NSMCE2: variants seen among roughly 807,000 people sequenced by gnomAD.
NSMCE2 encodes the protein NSE2 SUMO ligase component of SMC5/6 complex.
In NSMCE2, 24 loss-of-function variants were observed where a neutral mutation model predicts 23.8. That is an observed-to-expected ratio of 1.01 (90% CI 0.73 to 1.42). NSMCE2 has a LOEUF of 1.42. Ranked by LOEUF, NSMCE2 falls within the 40% of genes most tolerant of loss-of-function variation. The pLI is 0.00. For synonymous variants in NSMCE2, 92 were observed against 94.1 expected, an observed-to-expected ratio of 0.98 and a Z score of 0.13; for missense variants, 284 against 296.5, an observed-to-expected ratio of 0.96 and a Z score of 0.31.
At chr8:125,302,252 A>G (rs1828595857) in intron 5 of NSMCE2, among the ~76,000 whole-genome samples, 1 of 152,222 alleles carries the variant, frequency 6.6e-6, no homozygotes. Context: ...CCACCACGCC[A>G]GGTCCCAATT....
At chr8:125,164,854 C>T (rs1386628838) in intron 4 of NSMCE2, among the ~76,000 whole-genome samples, 3 of 152,140 alleles carry the variant, frequency 2.0e-5, no homozygotes, top group Admixed American at 1.3e-4. Flanking sequence ...TAACATGTCT[C>T]CAGTGCTTGT....
chr8:125,254,666 CA>C (rs1420117454), intron 5 of NSMCE2, among the ~76,000 whole-genome samples: 3 of 151,748 alleles, frequency 2.0e-5, no homozygotes, highest in Non-Finnish European at 2.9e-5. Context: ...CCATTTCTAA[CA>C]TGCTATAAGA....
intron 4 of NSMCE2, among the ~76,000 whole-genome samples, chr8:125,172,382 A>G (rs1822265133): frequency 6.6e-6 from 1 of 152,238 alleles, no homozygotes. Context: ...AAACAGTTCT[A>G]GACAGGTAAG....
chr8:125,250,510 C>T (rs1052964314), intron 5 of NSMCE2, among the ~76,000 whole-genome samples: 1 of 152,156 alleles, frequency 6.6e-6, no homozygotes, highest in Non-Finnish European at 1.5e-5. Context: ...CATTTATTAA[C>T]TAAAAACAAC....
chr8:125,346,350 A>G (rs541423127), intron 5 of NSMCE2, among the ~76,000 whole-genome samples: 1 of 152,350 alleles, frequency 6.6e-6, no homozygotes, highest in East Asian at 1.9e-4. Context: ...AAGATGGAGA[A>G]TGGACAGGCT....
chr8:125,123,134 T>A (rs1009550485), intron 3 of NSMCE2, among the ~76,000 whole-genome samples: 8 of 152,276 alleles, frequency 5.3e-5, no homozygotes, highest in Middle Eastern at 3.4e-3. Context: ...ATATATATAT[T>A]TTTCTGGCCA....
At chr8:125,139,576 C>T (rs1458455098) in intron 3 of NSMCE2, among the ~76,000 whole-genome samples, 1 of 152,076 alleles carries the variant, frequency 6.6e-6, no homozygotes, top group Non-Finnish European at 1.5e-5. Context: ...GGTAAGAGAA[C>T]CTGTGCAGGG....
At chr8:125,166,707 A>G (rs1821896074) in intron 4 of NSMCE2, among the ~76,000 whole-genome samples, 1 of 152,212 alleles carries the variant, frequency 6.6e-6, no homozygotes, top group African/African-American at 2.4e-5. Context: ...GACCCAGGGA[A>G]GACACTTCTG....
intron 5 of NSMCE2, among the ~76,000 whole-genome samples, chr8:125,192,055 A>G (rs532899562): frequency 6.6e-6 from 1 of 152,346 alleles, no homozygotes; most frequent in African/African-American, 2.4e-5. Context: ...AAGTTTAAAC[A>G]CAAACTGTGA....
chr8:125,212,420 G>A (rs1824386894), intron 5 of NSMCE2, among the ~76,000 whole-genome samples: 1 of 152,112 alleles, frequency 6.6e-6, no homozygotes. Context: ...CTAGAGCTGA[G>A]GCAGTGAGAG....
intron 7 of NSMCE2, among the ~76,000 whole-genome samples, chr8:125,358,101 G>A (rs1006280815): frequency 2.0e-5 from 3 of 152,172 alleles, no homozygotes; most frequent in African/African-American, 7.2e-5. Flanking sequence ...GGGAAGCCGA[G>A]GTGGGCAGAT....
At chr8:125,310,085 A>G (rs1450234133) in intron 5 of NSMCE2, among the ~76,000 whole-genome samples, 1 of 152,236 alleles carries the variant, frequency 6.6e-6, no homozygotes, top group Admixed American at 6.5e-5. Context: ...AACAGAAACA[A>G]CAGATGGTAT....
chr8:125,138,776 A>G (rs1038653524), intron 3 of NSMCE2, among the ~76,000 whole-genome samples: 5 of 152,116 alleles, frequency 3.3e-5, no homozygotes, highest in Admixed American at 6.6e-5. Context: ...TTTAGTGGCT[A>G]CCTTCAGATC....
chr8:125,189,994 T>TA (rs1823277778), intron 5 of NSMCE2, among the ~76,000 whole-genome samples: 1 of 152,232 alleles, frequency 6.6e-6, no homozygotes, highest in African/African-American at 2.4e-5. Flanking sequence ...ATTTTTTCCT[T>TA]AAAGATGTTG....
chr8:125,261,073 G>C (rs536994920), intron 5 of NSMCE2, among the ~76,000 whole-genome samples: 8 of 152,316 alleles, frequency 5.3e-5, no homozygotes, highest in African/African-American at 1.9e-4. Context: ...TTACATTTCG[G>C]TGAAAAGGGG....
chr8:125,104,375 G>C (rs919383920), intron 3 of NSMCE2, among the ~76,000 whole-genome samples: 1 of 152,162 alleles, frequency 6.6e-6, no homozygotes, highest in Non-Finnish European at 1.5e-5. Context: ...TAGGCTTATC[G>C]TTAAGCTTTG....
intron 5 of NSMCE2, among the ~76,000 whole-genome samples, chr8:125,324,867 C>T (rs1257003158): frequency 1.9e-5 from 1 of 52,136 alleles, no homozygotes; most frequent in Non-Finnish European, 6.9e-5. Context: ...AGCCACCGCG[C>T]CCGGCCCATT....
chr8:125,226,259 T>G (rs1395297972), intron 5 of NSMCE2, among the ~76,000 whole-genome samples: 2 of 152,162 alleles, frequency 1.3e-5, no homozygotes, highest in Non-Finnish European at 2.9e-5. Context: ...TAGATTTGCT[T>G]TTAAACATGT....
intron 3 of NSMCE2, among the ~76,000 whole-genome samples, chr8:125,120,656 T>C (rs1187569505): frequency 1.3e-5 from 2 of 152,184 alleles, no homozygotes; most frequent in Non-Finnish European, 1.5e-5. Flanking sequence ...CAATTAGGCC[T>C]GTCAGCAATT....
Sources: gnomAD v4.1 joint callset for allele counts (sites outside exome capture counted in the v4.1 genomes callset) on GRCh38, gnomAD v4.1.1 for gene constraint, MANE v1.5 for transcripts, NCBI Gene and HGNC (gene_info 2026-07-23, HGNC 2026-07-21) for gene names.